IMMP2L: variants seen among roughly 807,000 people sequenced by gnomAD.
IMMP2L encodes mitochondrial inner membrane protease subunit 2.
Under a neutral mutation model 19.3 loss-of-function variants are expected in IMMP2L, and 18 were observed. The ratio of observed to expected loss-of-function variants is 0.93; its 90% confidence interval spans 0.64 to 1.38. The LOEUF (loss-of-function observed/expected upper bound fraction) is 1.38, where lower values mean the gene tolerates loss of function less well. Among genes scored for constraint, IMMP2L ranks in the 40% most tolerant of loss-of-function variants. IMMP2L has a pLI of 0.00. For synonymous variants in IMMP2L, 76 were observed against 73.0 expected (o/e 1.04, Z -0.21); for missense variants, 233 against 218.2 (o/e 1.07, Z -0.43).
At chr7:110,949,416 C>T (rs1405799885) in intron 4 of IMMP2L, among the ~76,000 whole-genome samples, 1 of 152,062 alleles carries the variant, frequency 6.6e-6, no homozygotes, top group Non-Finnish European at 1.5e-5. Flanking sequence ...TAGACTAATT[C>T]CTCTCTTCTG....
At chr7:111,085,259 A>G (rs1004469826) in intron 3 of IMMP2L, among the ~76,000 whole-genome samples, 1 of 152,186 alleles carries the variant, frequency 6.6e-6, no homozygotes, top group Non-Finnish European at 1.5e-5. Context: ...ACCTTTGGGT[A>G]TATACACAGT....
At chr7:111,323,548 G>A (rs899200461) in intron 3 of IMMP2L, among the ~76,000 whole-genome samples, 14 of 152,092 alleles carry the variant, frequency 9.2e-5, no homozygotes, top group African/African-American at 2.9e-4. Flanking sequence ...TGGTAGGACT[G>A]TAAACTAGTT....
At chr7:110,942,887 G>A (rs1816870847) in intron 4 of IMMP2L, among the ~76,000 whole-genome samples, 1 of 151,896 alleles carries the variant, frequency 6.6e-6, no homozygotes, top group Non-Finnish European at 1.5e-5. Flanking sequence ...ATAAGGCAAT[G>A]CCAGCTATCT....
intron 3 of IMMP2L, among the ~76,000 whole-genome samples, chr7:111,179,617 A>C (rs1468173164): frequency 6.6e-6 from 1 of 152,066 alleles, no homozygotes; most frequent in Non-Finnish European, 1.5e-5. Flanking sequence ...CATTGGCTTC[A>C]ACTTAAAGTC....
chr7:110,893,785 G>C (rs1436313982), intron 4 of IMMP2L, among the ~76,000 whole-genome samples: 6 of 152,112 alleles, frequency 3.9e-5, no homozygotes, highest in Non-Finnish European at 8.8e-5. Context: ...AAATGAAATG[G>C]TTGGCTCACA....
At chr7:110,889,348 T>C (rs1810549658) in intron 4 of IMMP2L, among the ~76,000 whole-genome samples, 1 of 152,312 alleles carries the variant, frequency 6.6e-6, no homozygotes, top group South Asian at 2.1e-4. Context: ...TTCCTGTAAC[T>C]AGATGGTTCC....
chr7:111,542,001 C>T (rs1848542205), intron 1 of IMMP2L, among the ~76,000 whole-genome samples: 1 of 152,040 alleles, frequency 6.6e-6, no homozygotes, highest in South Asian at 2.1e-4. Flanking sequence ...ACAGAATCCT[C>T]CAAGAAATAC....
intron 3 of IMMP2L, among the ~76,000 whole-genome samples, chr7:111,346,368 G>A (rs975602092): frequency 2.6e-5 from 4 of 152,098 alleles, no homozygotes; most frequent in African/African-American, 7.2e-5. Flanking sequence ...AGGAGAGAAG[G>A]GGGTAAGAGA....
At chr7:111,224,741 A>G (rs1812895381) in intron 3 of IMMP2L, among the ~76,000 whole-genome samples, 1 of 152,084 alleles carries the variant, frequency 6.6e-6, no homozygotes, top group Non-Finnish European at 1.5e-5. Flanking sequence ...TGATATGTTA[A>G]TATTTTCACA....
chr7:111,062,730 C>T (rs187099213), intron 3 of IMMP2L, among the ~76,000 whole-genome samples: 77 of 152,312 alleles, frequency 5.1e-4, no homozygotes, highest in Admixed American at 1.7e-3. Flanking sequence ...GAGATACAGG[C>T]CTCATGCAAG....
intron 1 of IMMP2L, among the ~76,000 whole-genome samples, chr7:111,550,430 C>G (rs1849343703): frequency 6.6e-6 from 1 of 152,040 alleles, no homozygotes; most frequent in African/African-American, 2.4e-5. Context: ...AGAATGAACC[C>G]TAATGTAAAC....
At chr7:111,162,002 ACC>A (rs1478583374) in intron 3 of IMMP2L, among the ~76,000 whole-genome samples, 2 of 152,108 alleles carry the variant, frequency 1.3e-5, no homozygotes, top group African/African-American at 4.8e-5. Flanking sequence ...TGTGTGAGTT[ACC>A]ACTTGTGTTT....
intron 3 of IMMP2L, among the ~76,000 whole-genome samples, chr7:111,130,770 A>G (rs1448557257): frequency 2.0e-5 from 3 of 152,110 alleles, no homozygotes; most frequent in Admixed American, 2.0e-4. Context: ...ATGGTCTTTC[A>G]AAAGAATACG....
intron 5 of IMMP2L, 74 bp from the exon 6 acceptor site, chr7:110,663,795 C>T (rs929887090): frequency 2.8e-6 from 3 of 1,061,940 alleles, no homozygotes; most frequent in African/African-American, 1.6e-5. Context: ...AGCTTGAAAG[C>T]AGAATTTAAT....
At chr7:111,294,115 A>C (rs2129769120) in intron 3 of IMMP2L, among the ~76,000 whole-genome samples, 2 of 152,052 alleles carry the variant, frequency 1.3e-5, no homozygotes, top group East Asian at 3.9e-4. Flanking sequence ...GAGATCATTT[A>C]CCCTTACCAT....
intron 3 of IMMP2L, among the ~76,000 whole-genome samples, chr7:111,203,040 A>T (rs2129616052): frequency 6.6e-6 from 1 of 152,328 alleles, no homozygotes; most frequent in South Asian, 2.1e-4. Flanking sequence ...TCCAAAAATG[A>T]GAAGTGACTA....
intron 3 of IMMP2L, among the ~76,000 whole-genome samples, chr7:111,025,489 A>G (rs1826713360): frequency 6.6e-6 from 1 of 152,208 alleles, no homozygotes; most frequent in African/African-American, 2.4e-5. Context: ...TATATTAGAA[A>G]TATTTCCATC....
chr7:111,057,195 T>G (rs1793593611), intron 3 of IMMP2L, among the ~76,000 whole-genome samples: 1 of 152,214 alleles, frequency 6.6e-6, no homozygotes, highest in Non-Finnish European at 1.5e-5. Flanking sequence ...TAGAGCCTGC[T>G]TCCCACATTT....
chr7:111,116,813 T>C (rs1343844733), intron 3 of IMMP2L, among the ~76,000 whole-genome samples: 1 of 152,014 alleles, frequency 6.6e-6, no homozygotes, highest in Non-Finnish European at 1.5e-5. Context: ...ACCTATACAG[T>C]TGGAGGAAAC....
Sources: gnomAD v4.1 joint callset for allele counts (sites outside exome capture counted in the v4.1 genomes callset) on GRCh38, gnomAD v4.1.1 for gene constraint, MANE v1.5 for transcripts, NCBI Gene and HGNC (gene_info 2026-07-23, HGNC 2026-07-21) for gene names.